Variants in FGF1 observed in about 807,000 individuals in gnomAD.
FGF1 encodes the protein beta-endothelial cell growth factor.
In FGF1, 9 loss-of-function variants were observed where a neutral mutation model predicts 13.4. The observed-to-expected ratio is 0.67, with a 90% CI of 0.40 to 1.17. FGF1 has a LOEUF of 1.17. Among genes scored for constraint, FGF1 ranks in the 50% most tolerant of loss-of-function variants. The probability of loss-of-function intolerance (pLI) is 0.01; values close to 1 mark genes in which losing one functional copy is unlikely to be tolerated. For synonymous variants in FGF1, 93 were observed against 79.0 expected, an observed-to-expected ratio of 1.18 and a Z score of -0.94; for missense variants, 156 against 192.7, an observed-to-expected ratio of 0.81 and a Z score of 1.13.
chr5:142,683,362 C>G (rs1034645383), intron 1 of FGF1, among the ~76,000 whole-genome samples: 4 of 152,104 alleles, frequency 2.6e-5, no homozygotes, highest in African/African-American at 9.7e-5. Flanking sequence ...GCTGCATTCC[C>G]AGAAAATTAG....
In FGF1 at chr5:142,592,444, T is replaced by C. The variant is rs1754439037; in HGVS notation, c.*2846A>G. ...TGGCCATTGTGAATCTTTCTTATCA[T>C]GCCTTCCAAGGAAACCAATACCTAC... On this transcript the variant is annotated 3_prime_UTR_variant, in exon 4 of 4. Coordinates refer to ENST00000337706, the MANE Select transcript of FGF1 (RefSeq NM_000800.5). 2.5e-6 allele frequency: 1 copy of C among 398,474 alleles called. No homozygotes were observed. Among genetic ancestry groups the C allele is most frequent in the Admixed American group, 4.4e-5 (1 of 22,718 alleles). 24.7% of individuals were successfully genotyped at this position (398,474 alleles called of 1,614,324 possible). A position where few individuals can be genotyped will look rare whatever the true frequency, so the allele number is the denominator to read the frequency against.
intron 1 of FGF1, among the ~76,000 whole-genome samples, chr5:142,634,962 T>TC (rs1277321298): frequency 6.6e-6 from 1 of 152,086 alleles, no homozygotes; most frequent in Non-Finnish European, 1.5e-5. Flanking sequence ...TCACCAGATG[T>TC]CCCCAGGTCG....
rs759484659 is a variant in FGF1, at chr5:142,613,969, G to A, written c.159C>T (p.Ser53=). Residue 53 remains serine, a synonymous_variant, in exon 2 of 4, where the codon AGC becomes AGT. Coordinates refer to ENST00000337706, the MANE Select transcript of FGF1 (RefSeq NM_000800.5). ...TAGAGATGGGCTTACTGTGCTGGTC[G>A]CTCCTGTCCCTTGTCCCATCCACTG... The part of the protein sequence containing the change: ...DGTVDGTRDR[S]DQHIQLQLSA... The A allele has an allele frequency of 3.1e-6, 5 of 1,613,850 alleles. No individual in the cohort carries two copies. Among genetic ancestry groups the A allele is most frequent in the East Asian group, 4.5e-5 (2 of 44,868 alleles).
Position 142,621,305 on chromosome 5 carries a change from T to C in FGF1, c.-34-7144A>G, listed in dbSNP as rs574050554. ...TACACCCTCATACTCACCCAGGTCT[T>C]AGCCCAAACATTGTGCTGCTGCCAA... On this transcript the variant is annotated intron_variant, in intron 1 of 3. Coordinates refer to ENST00000337706, the MANE Select transcript of FGF1 (RefSeq NM_000800.5). 14 of 152,384 alleles carry C rather than the reference T, an allele frequency of 9.2e-5. No homozygotes were observed. In the East Asian group the frequency reaches 2.7e-3, roughly 29 times the overall value. The allele number at this position is 152,384 out of a possible 1,614,324, so 9.4% of individuals were successfully genotyped here.
chr5:142,669,060 G>A (rs544423508), intron 1 of FGF1, among the ~76,000 whole-genome samples: 1 of 152,380 alleles, frequency 6.6e-6, no homozygotes, highest in South Asian at 2.1e-4. Context: ...AGCATGCATG[G>A]CTGATGCCGC....
intron 1 of FGF1, among the ~76,000 whole-genome samples, chr5:142,644,484 G>A (rs530551516): frequency 6.6e-6 from 1 of 152,088 alleles, no homozygotes; most frequent in Admixed American, 6.5e-5. Context: ...CCTGCAGTGT[G>A]ATTTGGGGCC....
chr5:142,630,127 C>T (rs1304505615), intron 1 of FGF1, among the ~76,000 whole-genome samples: 10 of 151,970 alleles, frequency 6.6e-5, no homozygotes, highest in Non-Finnish European at 4.4e-5. Context: ...CTCCTGATCT[C>T]GTGATCTGCC....
At chr5:142,602,764 A>G (rs2151831962) in intron 2 of FGF1, among the ~76,000 whole-genome samples, 1 of 151,962 alleles carries the variant, frequency 6.6e-6, no homozygotes, top group East Asian at 1.9e-4. Flanking sequence ...CTACATCAGG[A>G]TGGAAAGAGT....
At position 142,665,294 on chromosome 5, in the gene FGF1, C is replaced by T. The variant is rs556160155; in HGVS notation, c.-35+20663G>A. The stretch of plus-strand genomic sequence containing the variant: ...CACACCCCTCACCCCTGCCCCTCGT[C>T]CACCCCCTTGCCCTTCCATCCTCCG... On this transcript the variant is annotated intron_variant, in intron 1 of 3. Transcript: ENST00000337706. Among the ~76,000 whole-genome samples, 9 of 152,136 alleles carry T rather than the reference C, an allele frequency of 5.9e-5. No individual in the cohort carries two copies. The South Asian group carries it at 1.3e-3, about 21-fold the overall frequency.
chr5:142,678,366 C>T (rs1773048316), intron 1 of FGF1, among the ~76,000 whole-genome samples: 2 of 152,144 alleles, frequency 1.3e-5, no homozygotes, highest in Admixed American at 1.3e-4. Context: ...CGGATCATGC[C>T]AACAACAGCT....
intron 1 of FGF1, among the ~76,000 whole-genome samples, chr5:142,615,426 G>T (rs1217063833): frequency 6.6e-5 from 10 of 152,194 alleles, no homozygotes; most frequent in Non-Finnish European, 1.5e-4. Context: ...GTTTCACCAT[G>T]TTGGCCAGGC....
chr5:142,607,922 A>T (rs1313297883), intron 2 of FGF1, among the ~76,000 whole-genome samples: 2 of 152,198 alleles, frequency 1.3e-5, no homozygotes, highest in Non-Finnish European at 2.9e-5. Context: ...TGTCTGAGGA[A>T]CTAAGTTTGT....
intron 1 of FGF1, among the ~76,000 whole-genome samples, chr5:142,635,962 T>G (rs1045348214): frequency 6.6e-6 from 1 of 152,266 alleles, no homozygotes; most frequent in African/African-American, 2.4e-5. Flanking sequence ...ACTGCCCATT[T>G]TGATATGTTT....
chr5:142,678,302 C>T (rs531952787), intron 1 of FGF1, among the ~76,000 whole-genome samples: 11 of 152,226 alleles, frequency 7.2e-5, no homozygotes, highest in East Asian at 1.9e-4. Flanking sequence ...TTGTGGCAGA[C>T]GGGGTATGTG....
chr5:142,687,493 T>C (rs1442553997), upstream of FGF1, among the ~76,000 whole-genome samples: 2 of 152,206 alleles, frequency 1.3e-5, no homozygotes, highest in African/African-American at 4.8e-5. Context: ...ACCCTATTAA[T>C]TGGAACCCTC....
intron 1 of FGF1, among the ~76,000 whole-genome samples, chr5:142,636,598 G>A (rs899954259): frequency 3.3e-5 from 5 of 152,220 alleles, no homozygotes; most frequent in African/African-American, 9.7e-5. Flanking sequence ...CCATGCAAGC[G>A]ATTTTGAATG....
chr5:142,671,729 AAC>A (rs1771497827), intron 1 of FGF1: 2 of 152,240 alleles, frequency 1.3e-5, no homozygotes, highest in African/African-American at 4.8e-5. Context: ...CTTGTGAAGA[AAC>A]GCTTCTTCTA....
chr5:142,660,578 G>A (rs1769035248), intron 1 of FGF1, among the ~76,000 whole-genome samples: 1 of 152,166 alleles, frequency 6.6e-6, no homozygotes, highest in Non-Finnish European at 1.5e-5. Context: ...AATCTGGAGT[G>A]TAACGCACAC....
chr5:142,654,727 C>A (rs1767844613), intron 1 of FGF1, among the ~76,000 whole-genome samples: 1 of 152,220 alleles, frequency 6.6e-6, no homozygotes, highest in Non-Finnish European at 1.5e-5. Flanking sequence ...AATGTTGTGG[C>A]CTCGTTGGAA....
Sources: gnomAD v4.1 joint callset for allele counts (sites outside exome capture counted in the v4.1 genomes callset) on GRCh38, gnomAD v4.1.1 for gene constraint, MANE v1.5 for transcripts, NCBI Gene and HGNC (gene_info 2026-07-23, HGNC 2026-07-21) for gene names.